NLK: variants seen among roughly 807,000 people sequenced by gnomAD.
The protein encoded by NLK is serine/threonine-protein kinase NLK.
In NLK, 11 loss-of-function variants were observed where a neutral mutation model predicts 59.0. The observed-to-expected ratio is 0.19, with a 90% confidence interval of 0.12 to 0.31. The LOEUF (loss-of-function observed/expected upper bound fraction) is 0.31, where lower values mean the gene tolerates loss of function less well. NLK is among the 10% of genes least tolerant of loss of function. NLK has a pLI of 1.00. For synonymous variants in NLK, 235 were observed against 235.9 expected (o/e 1.00, Z 0.03); for missense variants, 410 against 661.1 (o/e 0.62, Z 4.16).
intron 7 of NLK, among the ~76,000 whole-genome samples, chr17:28,174,685 C>G (rs1208684561): frequency 1.3e-5 from 2 of 152,182 alleles, no homozygotes; most frequent in Admixed American, 1.3e-4. Context: ...TTGCCTGCTT[C>G]CACTTTTCCT....
the NLK span, among the ~76,000 whole-genome samples, chr17:28,204,167 A>G: frequency 1.3e-5 from 2 of 152,226 alleles, no homozygotes; most frequent in African/African-American, 4.8e-5. Context: ...GACAAAACTG[A>G]GGTTCCTAGA....
In NLK at chr17:28,179,729, A is replaced by C. The variant is rs76646561; in HGVS notation, c.1150-5450A>C. Among the ~76,000 whole-genome samples the C allele has an allele frequency of 4.5e-4, 68 of 152,248 alleles. No individual in the cohort carries two copies. In the East Asian group the frequency reaches 7.2e-3, roughly 16 times the overall value. ...AGCCTGGGTGACAGAGTGAGACTCA[A>C]ACAAAGAGACAGGATCTCTCTAAGT... On this transcript the variant is annotated intron_variant, in intron 7 of 10. Transcript: ENST00000407008.
intron 1 of NLK, among the ~76,000 whole-genome samples, chr17:28,103,330 T>C (rs1904966412): frequency 1.3e-5 from 2 of 152,256 alleles, no homozygotes; most frequent in African/African-American, 4.8e-5. Flanking sequence ...TAAAATCTTT[T>C]TGCACTCAAA....
intron 5 of NLK, among the ~76,000 whole-genome samples, chr17:28,166,649 C>T (rs1908251780): frequency 6.6e-6 from 1 of 152,162 alleles, no homozygotes; most frequent in Non-Finnish European, 1.5e-5. Context: ...ATCCTCAGTG[C>T]TCCTAGTTGT....
intron 7 of NLK, among the ~76,000 whole-genome samples, chr17:28,173,002 C>A (rs2142058327): frequency 6.6e-6 from 1 of 152,238 alleles, no homozygotes; most frequent in South Asian, 2.1e-4. Context: ...TTATTCCAGC[C>A]AGGACTGTGA....
chr17:28,125,783 T>C (rs1906266770), intron 2 of NLK, among the ~76,000 whole-genome samples: 1 of 152,202 alleles, frequency 6.6e-6, no homozygotes, highest in African/African-American at 2.4e-5. Context: ...CTAGGTCATG[T>C]GGAGGATACA....
intron 1 of NLK, among the ~76,000 whole-genome samples, chr17:28,051,885 C>G (rs1909268558): frequency 6.6e-6 from 1 of 152,150 alleles, no homozygotes; most frequent in Non-Finnish European, 1.5e-5. Context: ...ACAACTTTCT[C>G]TCTTCAGGAC....
At chr17:28,123,038 A>T (rs1435200450) in intron 2 of NLK, among the ~76,000 whole-genome samples, 3 of 152,116 alleles carry the variant, frequency 2.0e-5, no homozygotes, top group African/African-American at 7.2e-5. Context: ...GACTGTCTTA[A>T]ATTTTCACTA....
downstream of NLK, among the ~76,000 whole-genome samples, chr17:28,199,665 C>CAAAAAAAAAAAAA (rs1303411168): frequency 8.9e-5 from 3 of 33,572 alleles, no homozygotes; most frequent in Admixed American, 4.5e-4. Context: ...GACTCTGTCT[C>CAAAAAAAAAAAAA]AAAAAAAAAA....
At chr17:28,058,781 G>C (rs1445143799) in intron 1 of NLK, among the ~76,000 whole-genome samples, 1 of 152,174 alleles carries the variant, frequency 6.6e-6, no homozygotes, top group Non-Finnish European at 1.5e-5. Flanking sequence ...TGTAAAAAAG[G>C]AAGAAAGTTT....
intron 3 of NLK, among the ~76,000 whole-genome samples, chr17:28,136,703 A>C (rs1026966863): frequency 6.6e-6 from 1 of 152,116 alleles, no homozygotes; most frequent in Admixed American, 6.6e-5. Context: ...TCCTAGGTTC[A>C]AGAGATTCTC....
intron 5 of NLK, among the ~76,000 whole-genome samples, chr17:28,167,237 A>T (rs973118986): frequency 3.9e-5 from 6 of 152,012 alleles, no homozygotes; most frequent in South Asian, 2.1e-4. Context: ...GGGGGTTTTT[A>T]AATTTTTTTT....
At chr17:28,162,119 C>T (rs1231275276) in intron 4 of NLK, among the ~76,000 whole-genome samples, 1 of 151,984 alleles carries the variant, frequency 6.6e-6, no homozygotes, top group African/African-American at 2.4e-5. Flanking sequence ...AGGTTCACGC[C>T]ATTCTCCTGC....
chr17:28,052,615 A>C (rs1208770086), intron 1 of NLK, among the ~76,000 whole-genome samples: 3 of 152,236 alleles, frequency 2.0e-5, no homozygotes, highest in African/African-American at 7.2e-5. Context: ...ATGCAATCTT[A>C]AATTTTCTAG....
At chr17:28,119,665 G>A (rs77570225) in intron 1 of NLK, among the ~76,000 whole-genome samples, 2 of 152,096 alleles carry the variant, frequency 1.3e-5, no homozygotes, top group South Asian at 2.1e-4. Flanking sequence ...AAATCATGAG[G>A]GGATACTAAA....
In NLK at chr17:28,060,127, G is replaced by A. The variant is rs1466807001; in HGVS notation, c.458+16796G>A. Among the ~76,000 whole-genome samples, 3 of 152,138 alleles carry A rather than the reference G, an allele frequency of 2.0e-5. No individual in the cohort carries two copies. The South Asian group carries it at 6.2e-4, about 32-fold the overall frequency. On this transcript the variant is annotated intron_variant, in intron 1 of 10. Coordinates refer to ENST00000407008, the MANE Select transcript of NLK (RefSeq NM_016231.5). Reference sequence around the variant, plus strand: ...CTGGTTTATTTTGTTGGGATACTTAGCAAGCAGTGGGGAAGAATAAAGTTT... The same window carrying A: ...CTGGTTTATTTTGTTGGGATACTTAACAAGCAGTGGGGAAGAATAAAGTTT...
At chr17:28,178,430 A>T (rs1908768501) in intron 7 of NLK, among the ~76,000 whole-genome samples, 1 of 152,192 alleles carries the variant, frequency 6.6e-6, no homozygotes, top group African/African-American at 2.4e-5. Flanking sequence ...CAAGTTTATT[A>T]TCTCTTTTCT....
chr17:28,186,757 C>A (rs1354418292), intron 8 of NLK, among the ~76,000 whole-genome samples: 2 of 152,140 alleles, frequency 1.3e-5, no homozygotes, highest in African/African-American at 4.8e-5. Context: ...ATTCAGTTAC[C>A]TCCTAGGTCC....
At chr17:28,103,467 C>G (rs1904971379) in intron 1 of NLK, among the ~76,000 whole-genome samples, 2 of 152,110 alleles carry the variant, frequency 1.3e-5, no homozygotes, top group Admixed American at 6.5e-5. Context: ...TGCAAATTTA[C>G]AAAGAGCTGC....
Sources: allele counts gnomAD v4.1 joint callset (sites outside exome capture counted in the v4.1 genomes callset), GRCh38; gene constraint gnomAD v4.1.1; transcripts MANE v1.5; gene names NCBI Gene and HGNC (gene_info 2026-07-23, HGNC 2026-07-21).